TNIK: variants seen among roughly 807,000 people sequenced by gnomAD.
The protein encoded by TNIK is TRAF2 and NCK-interacting protein kinase.
TNIK carries 49 observed loss-of-function variants against 191.3 expected under a neutral mutation model. That is an observed-to-expected ratio of 0.26 (90% CI 0.20 to 0.32). The LOEUF (loss-of-function observed/expected upper bound fraction) is 0.32. TNIK is among the 10% of genes least tolerant of loss of function. TNIK has a pLI of 1.00. For missense variants in TNIK, 1,155 were observed against 1,702.3 expected, an observed-to-expected ratio of 0.68 and a Z score of 5.66; for synonymous variants, 594 against 600.9, an observed-to-expected ratio of 0.99 and a Z score of 0.17.
intron 3 of TNIK, among the ~76,000 whole-genome samples, chr3:171,220,647 G>T (rs969259459): frequency 6.6e-6 from 1 of 152,130 alleles, no homozygotes; most frequent in Non-Finnish European, 1.5e-5. Context: ...AGCCCCGTCA[G>T]TGATTCCAAG....
intron 2 of TNIK, among the ~76,000 whole-genome samples, chr3:171,304,906 C>T (rs1753263640): frequency 6.6e-6 from 1 of 151,024 alleles, no homozygotes; most frequent in South Asian, 2.1e-4. Flanking sequence ...ATACCTAATG[C>T]TAAACGACAA....
intron 2 of TNIK, among the ~76,000 whole-genome samples, chr3:171,295,297 A>G (rs1752164335): frequency 6.6e-6 from 1 of 152,210 alleles, no homozygotes; most frequent in Non-Finnish European, 1.5e-5. Context: ...ATCATTTCTC[A>G]GAAAATTCTC....
At chr3:171,126,688 G>A (rs1289294098) in intron 16 of TNIK, among the ~76,000 whole-genome samples, 1 of 152,158 alleles carries the variant, frequency 6.6e-6, no homozygotes, top group East Asian at 1.9e-4. Context: ...AACACCTGCT[G>A]GAGCATGGAC....
At chr3:171,348,904 CTG>C (rs1306480733) in intron 2 of TNIK, among the ~76,000 whole-genome samples, 1 of 151,878 alleles carries the variant, frequency 6.6e-6, no homozygotes, top group African/African-American at 2.4e-5. Context: ...TTAAATATAG[CTG>C]AAAATATTGA....
At chr3:171,272,927 TG>T (rs949870629) in intron 2 of TNIK, among the ~76,000 whole-genome samples, 7 of 152,374 alleles carry the variant, frequency 4.6e-5, no homozygotes, top group Non-Finnish European at 7.3e-5. Flanking sequence ...TACTGATGTT[TG>T]TGCATTTGAA....
At chr3:171,262,802 T>TA (rs1462326735) in intron 2 of TNIK, among the ~76,000 whole-genome samples, 2 of 152,198 alleles carry the variant, frequency 1.3e-5, no homozygotes, top group African/African-American at 4.8e-5. Context: ...ATTTCTGGTT[T>TA]TTGTTTAAAT....
chr3:171,379,227 G>T lies in TNIK; in HGVS notation c.58-9542C>A, dbSNP rs117401308. ...CTTAGCATATTCATACTCACAGTTA[G>T]CTCAGTTCAAAATTATTTCCTTACA... On this transcript the variant is annotated intron_variant, in intron 1 of 32. Coordinates refer to ENST00000436636, the MANE Select transcript of TNIK (RefSeq NM_015028.4). Among the ~76,000 whole-genome samples the T allele has an allele frequency of 1.3e-3, 199 of 152,212 alleles. 1 individual carries two copies. In the East Asian group the frequency reaches 0.035, roughly 27 times the overall value.
At chr3:171,368,223 A>G (rs1430325026) in intron 2 of TNIK, among the ~76,000 whole-genome samples, 1 of 152,240 alleles carries the variant, frequency 6.6e-6, no homozygotes, top group Admixed American at 6.5e-5. Context: ...TATGGGTGGG[A>G]AACATAATGA....
intron 1 of TNIK, chr3:171,439,616 G>A (rs1455220695): frequency 1.3e-5 from 2 of 151,996 alleles, no homozygotes; most frequent in African/African-American, 4.8e-5. Flanking sequence ...TGCTTCAATC[G>A]ACTAGCCTAA....
At chr3:171,182,466 GAT>G (rs1229380322) in intron 7 of TNIK, among the ~76,000 whole-genome samples, 9 of 152,178 alleles carry the variant, frequency 5.9e-5, no homozygotes, top group African/African-American at 1.9e-4. Context: ...GTCAGAAAGA[GAT>G]AAGTTTCGTT....
chr3:171,205,212 G>A (rs1739907580), intron 4 of TNIK, among the ~76,000 whole-genome samples: 1 of 152,154 alleles, frequency 6.6e-6, no homozygotes, highest in South Asian at 2.1e-4. Context: ...TAACTATTAT[G>A]TTTCTGTCTT....
rs943703964 is a variant in TNIK at position 171,063,611 on chromosome 3, G to A, written c.*270C>T. The A allele has an allele frequency of 3.0e-6, 1 of 338,920 alleles. No homozygotes were observed. The allele number at this position is 338,920 out of a possible 1,614,324, so 21.0% of individuals were successfully genotyped here. A position where few individuals can be genotyped will look rare whatever the true frequency, so the allele number is the denominator to read the frequency against. ...AATATTTGTTTCTATCCCTAATTCC[G>A]AAGGGCACATGGTCCATCTTTGTCC... On this transcript the variant is annotated 3_prime_UTR_variant, in exon 33 of 33. Coordinates refer to ENST00000436636, the MANE Select transcript of TNIK (RefSeq NM_015028.4).
At chr3:171,250,566 T>TA (rs1272891391) in intron 2 of TNIK, among the ~76,000 whole-genome samples, 1 of 152,186 alleles carries the variant, frequency 6.6e-6, no homozygotes, top group African/African-American at 2.4e-5. Flanking sequence ...GCCATGCAGC[T>TA]AGCTCAGAGA....
At chr3:171,238,702 CAATG>C (rs377490529) in intron 2 of TNIK, among the ~76,000 whole-genome samples, 3 of 152,224 alleles carry the variant, frequency 2.0e-5, no homozygotes, top group African/African-American at 7.2e-5. Flanking sequence ...CATAGGTGCT[CAATG>C]AATGCTGGAG....
intron 7 of TNIK, among the ~76,000 whole-genome samples, chr3:171,179,437 T>C (rs1736364332): frequency 6.6e-6 from 1 of 151,432 alleles, no homozygotes; most frequent in African/African-American, 2.4e-5. Flanking sequence ...GCAGTTCTAT[T>C]GTACCTGGGT....
chr3:171,211,327 CTTGTT>C, intron 3 of TNIK, 86 bp from the exon 4 acceptor site: 1 of 1,426,262 alleles, frequency 7.0e-7, no homozygotes, highest in Non-Finnish European at 9.4e-7. Flanking sequence ...TAAATTTTTT[CTTGTT>C]TTTTCTTCCT....
At chr3:171,150,273 G>A (rs1473442547) in intron 12 of TNIK, among the ~76,000 whole-genome samples, 1 of 152,144 alleles carries the variant, frequency 6.6e-6, no homozygotes, top group Non-Finnish European at 1.5e-5. Context: ...TGTTCTAAGT[G>A]GTTTGTATGT....
intron 23 of TNIK, 144 bp downstream of exon 23, chr3:171,093,695 C>T: frequency 9.5e-7 from 1 of 1,049,218 alleles, no homozygotes; most frequent in Middle Eastern, 3.2e-4. Flanking sequence ...TAAAATCACT[C>T]AACTATTTGG....
chr3:171,188,724 G>C lies in TNIK; in HGVS notation c.617C>G (p.Pro206Arg). Residue 206 changes from proline to arginine, a missense_variant, in exon 7 of 33, where the codon CCA becomes CGA. Physicochemically the swap from Pro to Arg is moderately radical, Grantham distance 103. Coordinates refer to ENST00000436636, the MANE Select transcript of TNIK (RefSeq NM_015028.4). ...TACCTTGAAATCATATGTGGCATCT[G>C]GGTTTTCATCACAGGCAATAACTTC... is the stretch of plus-strand genomic sequence containing the variant. ...APEVIACDEN[P>R]DATYDFKSDL... 1.2e-6 allele frequency: 2 copies of C among 1,613,490 alleles called. No individual in the cohort carries two copies. The highest frequency in any genetic ancestry group is 1.7e-6 in the Non-Finnish European group (2 of 1,179,492).
Sources: gnomAD v4.1 joint callset for allele counts (sites outside exome capture counted in the v4.1 genomes callset) on GRCh38, gnomAD v4.1.1 for gene constraint, MANE v1.5 for transcripts, NCBI Gene and HGNC (gene_info 2026-07-23, HGNC 2026-07-21) for gene names.